Variants in SI observed in about 807,000 individuals in gnomAD.
SI encodes the protein sucrase-isomaltase, intestinal.
SI carries 235 observed loss-of-function variants against 253.3 expected under a neutral mutation model. The observed-to-expected ratio is 0.93, with a 90% CI of 0.83 to 1.03. The LOEUF (loss-of-function observed/expected upper bound fraction) is 1.03, where lower values mean the gene tolerates loss of function less well. SI is among the 50% of genes least tolerant of loss of function. The pLI is 0.00. For synonymous variants in SI, 819 were observed against 712.0 expected (o/e 1.15, Z -2.39); for missense variants, 2,442 against 2,211.1 (o/e 1.10, Z -2.09).
At chr3:165,055,065 A>T in intron 13 of SI, 129 bp downstream of exon 13, 1 of 628,450 alleles carries the variant, frequency 1.6e-6, no homozygotes, top group Non-Finnish European at 2.8e-6. Context: ...TCTGGGAAAA[A>T]ACATTATAGT....
chr3:165,020,844 A>G (rs1711559851), intron 27 of SI, among the ~76,000 whole-genome samples: 1 of 151,762 alleles, frequency 6.6e-6, no homozygotes, highest in South Asian at 2.1e-4. Context: ...TAATTCTATC[A>G]GATTCAAGCA....
intron 27 of SI, 78 bp from the exon 28 acceptor site, chr3:165,019,848 TCTTA>T (rs759509767): frequency 1.1e-5 from 14 of 1,228,274 alleles, no homozygotes; most frequent in African/African-American, 1.5e-5. Context: ...GGTAATTCTT[TCTTA>T]GATTATCTAA....
At chr3:165,076,629 T>G (rs1037773018) in intron 1 of SI, among the ~76,000 whole-genome samples, 2 of 151,706 alleles carry the variant, frequency 1.3e-5, no homozygotes, top group Non-Finnish European at 3.0e-5. Flanking sequence ...AAAAATCTTT[T>G]GAATTTTCAC....
intron 46 of SI, 36 bp downstream of exon 46, chr3:164,982,966 T>A (rs986780576): frequency 6.5e-7 from 1 of 1,541,294 alleles, no homozygotes. Flanking sequence ...CTTCAAATAT[T>A]CCTTAACAGA....
chr3:165,046,802 TG>T (rs768437529), intron 16 of SI, 38 bp downstream of exon 16: 13 of 1,473,926 alleles, frequency 8.8e-6, no homozygotes, highest in Non-Finnish European at 1.1e-5. Flanking sequence ...TTAATGTAAT[TG>T]TAGCTTTTAT....
chr3:165,085,590 C>T, the SI span, among the ~76,000 whole-genome samples: 4 of 152,058 alleles, frequency 2.6e-5, no homozygotes, highest in Non-Finnish European at 5.9e-5. Flanking sequence ...ACCATTCTAA[C>T]CTATCGGTAT....
intron 3 of SI, 140 bp downstream of exon 3, chr3:165,074,391 A>C (rs1391093928): frequency 2.2e-6 from 1 of 463,548 alleles, no homozygotes. Context: ...CATTTTTAAT[A>C]GGAAGCTATA....
intron 37 of SI, among the ~76,000 whole-genome samples, chr3:165,001,646 A>G (rs1718260396): frequency 6.6e-6 from 1 of 151,446 alleles, no homozygotes; most frequent in Non-Finnish European, 1.5e-5. Context: ...CTATTCATCT[A>G]TATCATTCAG....
intron 4 of SI, 90 bp downstream of exon 4, chr3:165,068,988 T>G: frequency 9.2e-7 from 1 of 1,085,710 alleles, no homozygotes; most frequent in Non-Finnish European, 1.4e-6. Flanking sequence ...AGGAACATAT[T>G]TCTTATTTGA....
intron 37 of SI, among the ~76,000 whole-genome samples, chr3:165,006,019 T>G (rs911181856): frequency 6.6e-6 from 1 of 152,240 alleles, no homozygotes; most frequent in South Asian, 2.1e-4. Context: ...AAAAGTTTGT[T>G]AAAAATGCAG....
chr3:165,084,092 C>T, the SI span, among the ~76,000 whole-genome samples: 1 of 151,918 alleles, frequency 6.6e-6, no homozygotes, highest in Non-Finnish European at 1.5e-5. Flanking sequence ...GTAATTAGGT[C>T]ATTGAGATGG....
intron 3 of SI, among the ~76,000 whole-genome samples, chr3:165,071,240 C>T (rs1466429728): frequency 6.6e-6 from 1 of 151,962 alleles, no homozygotes; most frequent in Non-Finnish European, 1.5e-5. Flanking sequence ...AAATGTATCT[C>T]CCTGTTGTTG....
intron 9 of SI, among the ~76,000 whole-genome samples, chr3:165,061,328 G>C (rs1169777695): frequency 6.6e-6 from 1 of 151,938 alleles, no homozygotes; most frequent in African/African-American, 2.4e-5. Context: ...TCTTGTTCAT[G>C]TGATAATCAC....
intron 35 of SI, among the ~76,000 whole-genome samples, chr3:165,008,478 GC>G (rs980413427): frequency 6.6e-6 from 1 of 151,846 alleles, no homozygotes; most frequent in Non-Finnish European, 1.5e-5. Flanking sequence ...AAATAAGTCA[GC>G]CACCATTTAA....
chr3:165,000,801 T>C (rs1266218409), intron 37 of SI, among the ~76,000 whole-genome samples: 1 of 151,448 alleles, frequency 6.6e-6, no homozygotes, highest in Admixed American at 6.6e-5. Flanking sequence ...TAAGTTATTC[T>C]TGAGAAACAG....
chr3:165,030,877 C>CAAAAAAAA lies in SI; in HGVS notation c.2737-18_2737-11dup, dbSNP rs11452619. The CAAAAAAAA allele has an allele frequency of 3.6e-4, 441 of 1,218,770 alleles. No homozygotes were observed. The highest frequency in any genetic ancestry group is 2.9e-3 in the South Asian group (151 of 52,020). The allele number at this position is 1,218,770 out of a possible 1,614,324, so 75.5% of individuals were successfully genotyped here. The stretch of plus-strand genomic sequence containing the variant: ...CTGCAATTAGGAGAACCTTTGAAGA[C>CAAAAAAAA]AAAAAAAAAAAAAGAAAAAAAGAAA... On this transcript the variant is annotated splice_polypyrimidine_tract_variant and intron_variant, in intron 24 of 47. Transcript: ENST00000264382.
intron 13 of SI, among the ~76,000 whole-genome samples, chr3:165,051,068 T>C (rs1392475577): frequency 6.6e-6 from 1 of 152,122 alleles, no homozygotes; most frequent in Non-Finnish European, 1.5e-5. Flanking sequence ...GAATCATTTG[T>C]ATTGTAGTCA....
rs759798561 is a variant in SI, at chr3:164,987,167, GA to G, written c.5167del (p.Ser1723LeufsTer10). 5 of 1,613,504 alleles carry G rather than the reference GA, an allele frequency of 3.1e-6. No individual in the cohort carries two copies. The highest frequency in any genetic ancestry group is 4.2e-6 in the Non-Finnish European group (5 of 1,179,758). ...AADDNQMAQG[S>X]LFWDDGESID... ...ACTCTCTCCATCATCCCAAAACAGAGAACCCTGTGCCATCTGATTATCATCT... is the reference window on the plus strand; with the variant it reads ...ACTCTCTCCATCATCCCAAAACAGAGACCCTGTGCCATCTGATTATCATCT... On this transcript the variant is annotated frameshift_variant, in exon 45 of 48. Coordinates refer to ENST00000264382, the MANE Select transcript of SI (RefSeq NM_001041.4). LOFTEE classifies it high-confidence loss of function.
chr3:164,990,687 A>T (rs141711656), intron 44 of SI, among the ~76,000 whole-genome samples: 1 of 152,250 alleles, frequency 6.6e-6, no homozygotes, highest in African/African-American at 2.4e-5. Flanking sequence ...CATAGGTGGG[A>T]ATTGAACAAT....
Sources: allele counts gnomAD v4.1 joint callset (sites outside exome capture counted in the v4.1 genomes callset), GRCh38; gene constraint gnomAD v4.1.1; transcripts MANE v1.5; gene names NCBI Gene and HGNC (gene_info 2026-07-23, HGNC 2026-07-21).